The following PSD3 variants were observed in gnomAD, a reference collection of about 807,000 sequenced individuals.
PSD3 encodes PH and SEC7 domain-containing protein 3.
Under a neutral mutation model 105.5 loss-of-function variants are expected in PSD3, and 49 were observed. The observed-to-expected ratio is 0.46, with a 90% confidence interval of 0.37 to 0.59. PSD3 has a LOEUF of 0.59. Ranked by LOEUF, PSD3 falls within the 20% of genes least tolerant of loss-of-function variation. The probability of loss-of-function intolerance (pLI) is 0.00; values close to 1 mark genes in which losing one functional copy is unlikely to be tolerated. For missense variants in PSD3, 1,561 were observed against 1,263.8 expected (o/e 1.24, Z -3.57); for synonymous variants, 557 against 457.8 (o/e 1.22, Z -2.77).
At chr8:18,914,113 A>T (rs1458809974) in intron 2 of PSD3, among the ~76,000 whole-genome samples, 1 of 151,562 alleles carries the variant, frequency 6.6e-6, no homozygotes, top group African/African-American at 2.4e-5. Context: ...GCCTACACAC[A>T]TTCCCTTCCA....
chr8:18,974,302 G>A (rs184968924), intron 1 of PSD3, among the ~76,000 whole-genome samples: 1 of 152,162 alleles, frequency 6.6e-6, no homozygotes, highest in South Asian at 2.1e-4. Context: ...ACCAACCTCT[G>A]AGTTATTTCA....
chr8:18,814,571 G>A (rs1217256964), intron 4 of PSD3, among the ~76,000 whole-genome samples: 2 of 152,158 alleles, frequency 1.3e-5, no homozygotes, highest in Non-Finnish European at 2.9e-5. Flanking sequence ...ATATGTGCAA[G>A]TCAATGTTAA....
chr8:19,060,045 C>G (rs1367920911), intron 1 of PSD3, among the ~76,000 whole-genome samples: 1 of 152,190 alleles, frequency 6.6e-6, no homozygotes, highest in Non-Finnish European at 1.5e-5. Flanking sequence ...TGTCACTGAC[C>G]TTTCAAATGA....
intron 1 of PSD3, among the ~76,000 whole-genome samples, chr8:19,068,647 G>A (rs1829155497): frequency 1.3e-5 from 2 of 151,902 alleles, no homozygotes; most frequent in Admixed American, 6.6e-5. Context: ...ACGTCCTTGC[G>A]ATAGTTTGCT....
intron 11 of PSD3, among the ~76,000 whole-genome samples, chr8:18,603,357 T>G (rs1182823725): frequency 3.9e-5 from 6 of 152,226 alleles, no homozygotes; most frequent in African/African-American, 1.4e-4. Flanking sequence ...TAATGTTTAC[T>G]TTTATCTTTA....
chr8:19,084,596 G>C (rs1586708821), exon 1 of PSD3: 1 of 355,280 alleles, frequency 2.8e-6, no homozygotes, highest in East Asian at 7.5e-5. Flanking sequence ...TGGAGGCAGG[G>C]GCCTGGCAAT....
rs541733449 is a variant in PSD3, at chr8:18,828,995, C to A, written c.1635-24097G>T. ...GCTGAGGTGGGCGGACGGCTTGAGCCTGGGAGGCAGAGATTGCAGTGAACA... is the reference window on the plus strand; with the variant it reads ...GCTGAGGTGGGCGGACGGCTTGAGCATGGGAGGCAGAGATTGCAGTGAACA... On this transcript the variant is annotated intron_variant, in intron 4 of 15. Transcript: ENST00000327040. Among the ~76,000 whole-genome samples the A allele has an allele frequency of 2.5e-3, 383 of 152,168 alleles. 2 individuals are homozygous for A. The highest frequency in any genetic ancestry group is 2.7e-3 in the Non-Finnish European group (186 of 68,012).
intron 1 of PSD3, among the ~76,000 whole-genome samples, chr8:19,044,309 T>C (rs182182780): frequency 3.9e-5 from 6 of 152,332 alleles, no homozygotes. Context: ...TATTTACTAA[T>C]GCCAGCCTGT....
intron 2 of PSD3, among the ~76,000 whole-genome samples, chr8:18,873,455 T>C (rs1817525745): frequency 6.8e-6 from 1 of 147,238 alleles, no homozygotes; most frequent in Non-Finnish European, 1.5e-5. Flanking sequence ...TGTTTACATA[T>C]ATAAAGTTTA....
At chr8:18,651,566 A>C (rs186023222) in intron 10 of PSD3, among the ~76,000 whole-genome samples, 1 of 152,314 alleles carries the variant, frequency 6.6e-6, no homozygotes. Flanking sequence ...GCAACAGAGG[A>C]GATAAAGGGA....
chr8:18,766,086 C>G (rs570682760), intron 8 of PSD3, among the ~76,000 whole-genome samples: 1 of 152,254 alleles, frequency 6.6e-6, no homozygotes, highest in South Asian at 2.1e-4. Context: ...GTAATCCCAG[C>G]ACTTTGGGAG....
At chr8:18,927,267 G>A (rs978216421) in intron 2 of PSD3, among the ~76,000 whole-genome samples, 3 of 152,052 alleles carry the variant, frequency 2.0e-5, no homozygotes, top group Admixed American at 1.3e-4. Flanking sequence ...AGGCTGGGGT[G>A]CAAGGGCGCA....
chr8:19,028,286 C>CG (rs1286689928), intron 1 of PSD3, among the ~76,000 whole-genome samples: 5 of 114,220 alleles, frequency 4.4e-5, no homozygotes, highest in African/African-American at 1.8e-4. Flanking sequence ...CCACCCCCCC[C>CG]CCCCGGCCCA....
chr8:18,916,460 G>A (rs1820616347), intron 2 of PSD3, among the ~76,000 whole-genome samples: 1 of 151,142 alleles, frequency 6.6e-6, no homozygotes, highest in Non-Finnish European at 1.5e-5. Context: ...AGGACATTAT[G>A]CTAAGTGAAA....
At chr8:18,703,855 A>C (rs1398383842) in intron 9 of PSD3, among the ~76,000 whole-genome samples, 1 of 152,208 alleles carries the variant, frequency 6.6e-6, no homozygotes, top group Non-Finnish European at 1.5e-5. Context: ...ATTTGTCCTG[A>C]AGTATATTTG....
At chr8:18,922,918 C>G (rs1821125564) in intron 2 of PSD3, among the ~76,000 whole-genome samples, 1 of 152,192 alleles carries the variant, frequency 6.6e-6, no homozygotes, top group Admixed American at 6.5e-5. Context: ...GTCCTGGAAC[C>G]TCCATGTGTT....
intron 1 of PSD3, among the ~76,000 whole-genome samples, chr8:18,970,753 G>C (rs576348202): frequency 3.3e-5 from 5 of 152,134 alleles, no homozygotes; most frequent in Admixed American, 1.3e-4. Context: ...TTAGGACTTC[G>C]AGACCAGCCT....
intron 10 of PSD3, among the ~76,000 whole-genome samples, chr8:18,635,707 A>C (rs1387991774): frequency 6.6e-6 from 1 of 152,164 alleles, no homozygotes; most frequent in East Asian, 1.9e-4. Flanking sequence ...TGGAGTCATA[A>C]AAAAGAATGA....
chr8:19,078,706 C>T (rs1258579311), intron 1 of PSD3, among the ~76,000 whole-genome samples: 1 of 151,892 alleles, frequency 6.6e-6, no homozygotes, highest in Admixed American at 6.6e-5. Context: ...CAGCCCACAT[C>T]AGAGCAAAAA....
Sources: allele counts gnomAD v4.1 joint callset (sites outside exome capture counted in the v4.1 genomes callset), GRCh38; gene constraint gnomAD v4.1.1; transcripts MANE v1.5; gene names NCBI Gene and HGNC (gene_info 2026-07-23, HGNC 2026-07-21).